Variants in WDR89 observed in about 807,000 individuals in gnomAD.
WDR89 encodes WD repeat domain 89.
In WDR89, 17 loss-of-function variants were observed where a neutral mutation model predicts 29.1. That is an observed-to-expected ratio of 0.58 (90% CI 0.40 to 0.88). The LOEUF (loss-of-function observed/expected upper bound fraction) is 0.88, where lower values mean the gene tolerates loss of function less well. Among genes scored for constraint, WDR89 ranks in the 40% least tolerant of loss-of-function variants. The pLI is 0.00. For synonymous variants in WDR89, 138 were observed against 157.8 expected, an observed-to-expected ratio of 0.87 and a Z score of 0.94; for missense variants, 396 against 456.3, an observed-to-expected ratio of 0.87 and a Z score of 1.20.
intron 2 of WDR89, among the ~76,000 whole-genome samples, chr14:63,618,841 A>G (rs1366738395): frequency 1.3e-5 from 2 of 152,198 alleles, no homozygotes; most frequent in Non-Finnish European, 2.9e-5. Context: ...CTCATAAAAA[A>G]TCTGAAGAAT....
chr14:63,602,372 G>A (rs1895106555), intron 2 of WDR89, among the ~76,000 whole-genome samples: 1 of 149,972 alleles, frequency 6.7e-6, no homozygotes, highest in African/African-American at 2.5e-5. Context: ...TCGGGAGGCT[G>A]AGGCAGGAGA....
intron 2 of WDR89, among the ~76,000 whole-genome samples, chr14:63,617,876 G>A (rs985619961): frequency 4.6e-5 from 7 of 152,078 alleles, no homozygotes; most frequent in Non-Finnish European, 8.8e-5. Context: ...ACACAAAAAG[G>A]TACTACAGGA....
chr14:63,616,037 G>A (rs1283726286), intron 2 of WDR89, among the ~76,000 whole-genome samples: 1 of 152,114 alleles, frequency 6.6e-6, no homozygotes, highest in Non-Finnish European at 1.5e-5. Flanking sequence ...GAGCCCAGGA[G>A]TTTGAGACCA....
intron 2 of WDR89, among the ~76,000 whole-genome samples, chr14:63,618,704 C>CA (rs113259979): frequency 3.4e-4 from 51 of 151,572 alleles, no homozygotes; most frequent in African/African-American, 1.1e-3. Context: ...AACAAACAAA[C>CA]AAAAAAAACC....
At chr14:63,614,311 CT>C (rs113657972) in intron 2 of WDR89, among the ~76,000 whole-genome samples, 378 of 141,684 alleles carry the variant, frequency 2.7e-3, no homozygotes, top group Middle Eastern at 3.6e-3. Context: ...TTCTTTTTTT[CT>C]TTTTTTTTTT....
chr14:63,631,973 G>A (rs954094547), intron 1 of WDR89, among the ~76,000 whole-genome samples: 3 of 151,896 alleles, frequency 2.0e-5, no homozygotes, highest in African/African-American at 2.4e-5. Context: ...TTAGCCGGGC[G>A]TGATGGGACA....
chr14:63,615,996 A>C (rs1269996188), intron 2 of WDR89, among the ~76,000 whole-genome samples: 1 of 151,920 alleles, frequency 6.6e-6, no homozygotes, highest in Non-Finnish European at 1.5e-5. Flanking sequence ...TAATGCTAGC[A>C]CTTTGGGAGC....
chr14:63,637,808 AG>A (rs1013222719), intron 1 of WDR89, among the ~76,000 whole-genome samples: 3 of 151,580 alleles, frequency 2.0e-5, no homozygotes, highest in Non-Finnish European at 2.9e-5. Context: ...TGGCCGGGGG[AG>A]GGGGGGCAAG....
chr14:63,627,983 C>G (rs986325811), intron 1 of WDR89, among the ~76,000 whole-genome samples: 11 of 152,120 alleles, frequency 7.2e-5, no homozygotes, highest in Admixed American at 5.9e-4. Flanking sequence ...CGCCTGTAAG[C>G]CCAGCACCTT....
chr14:63,607,058 A>T (rs1411625070), intron 2 of WDR89, among the ~76,000 whole-genome samples: 3 of 152,254 alleles, frequency 2.0e-5, no homozygotes, highest in Non-Finnish European at 4.4e-5. Context: ...ATGTATCAGA[A>T]GAGAAAGGAA....
intron 1 of WDR89, among the ~76,000 whole-genome samples, chr14:63,640,633 C>A (rs973978053): frequency 1.3e-5 from 2 of 150,420 alleles, no homozygotes. Context: ...GGACTACAGG[C>A]GCCCGCCACA....
At chr14:63,623,703 CAAAAAAAAAAAAA>C (rs34839479) in intron 2 of WDR89, among the ~76,000 whole-genome samples, 1 of 39,068 alleles carries the variant, frequency 2.6e-5, no homozygotes, top group African/African-American at 8.0e-5. Flanking sequence ...GACTCTGTCT[CAAAAAAAAAAAAA>C]AAAAAAAAAA....
chr14:63,620,004 CAAAAAAAAAAAA>C (rs71120271), intron 2 of WDR89, among the ~76,000 whole-genome samples: 4 of 72,468 alleles, frequency 5.5e-5, no homozygotes, highest in African/African-American at 2.0e-4. Flanking sequence ...GACTCCATCT[CAAAAAAAAAAAA>C]AAAAAAAAGA....
chr14:63,614,359 GT>G (rs1882177846), intron 2 of WDR89, among the ~76,000 whole-genome samples: 2 of 150,110 alleles, frequency 1.3e-5, no homozygotes, highest in South Asian at 4.2e-4. Context: ...CCAGGCTGGA[GT>G]GCAGTGGTGC....
At chr14:63,606,565 T>C (rs1351004186) in intron 2 of WDR89, among the ~76,000 whole-genome samples, 1 of 152,190 alleles carries the variant, frequency 6.6e-6, no homozygotes, top group East Asian at 1.9e-4. Flanking sequence ...TGCTGTACAG[T>C]GTAGTGTAGG....
At chr14:63,639,773 T>C (rs998495684) in intron 1 of WDR89, among the ~76,000 whole-genome samples, 6 of 152,228 alleles carry the variant, frequency 3.9e-5, no homozygotes, top group South Asian at 2.1e-4. Context: ...TTGCAGCTCA[T>C]AGTGTCAGTT....
intron 2 of WDR89, among the ~76,000 whole-genome samples, chr14:63,617,050 G>T (rs1595027139): frequency 6.7e-6 from 1 of 148,332 alleles, no homozygotes; most frequent in African/African-American, 2.5e-5. Flanking sequence ...TATGTTGTTG[G>T]TATATTATTA....
intron 1 of WDR89, among the ~76,000 whole-genome samples, chr14:63,627,746 T>C (rs1289811046): frequency 2.6e-5 from 4 of 152,146 alleles, no homozygotes; most frequent in African/African-American, 7.2e-5. Flanking sequence ...TAAAAGCTCA[T>C]TTCTTCTTAT....
At chr14:63,621,957 A>T (rs1397950098) in intron 2 of WDR89, 1 of 152,240 alleles carries the variant, frequency 6.6e-6, no homozygotes, top group Admixed American at 6.6e-5. Context: ...ACTGTTATTC[A>T]GGCAGAAACA....
Sources: gnomAD v4.1 joint callset for allele counts (sites outside exome capture counted in the v4.1 genomes callset) on GRCh38, gnomAD v4.1.1 for gene constraint, MANE v1.5 for transcripts, NCBI Gene and HGNC (gene_info 2026-07-23, HGNC 2026-07-21) for gene names.